Variants in BIRC6 observed in about 807,000 individuals in gnomAD.
BIRC6 encodes the protein dual E2 ubiquitin-conjugating enzyme/E3 ubiquitin-protein ligase BIRC6.
BIRC6 carries 98 observed loss-of-function variants against 503.3 expected under a neutral mutation model. That is an observed-to-expected ratio of 0.19 (90% CI 0.17 to 0.23). The LOEUF is 0.23. BIRC6 is among the 10% of genes least tolerant of loss of function. The pLI, the probability that BIRC6 is intolerant of heterozygous loss-of-function variation, is 1.00. For missense variants in BIRC6, 5,360 were observed against 5,806.0 expected (o/e 0.92, Z 2.50); for synonymous variants, 2,240 against 2,078.7 (o/e 1.08, Z -2.11).
intron 29 of BIRC6, among the ~76,000 whole-genome samples, chr2:32,469,108 G>C (rs1320523817): frequency 6.6e-6 from 1 of 152,064 alleles, no homozygotes; most frequent in African/African-American, 2.4e-5. Flanking sequence ...TCATTTTCTA[G>C]CCAGGAGGTA....
rs1005224815 is a variant in BIRC6 at position 32,518,873 on chromosome 2, A to C, written c.11550A>C (p.Gly3850=). The change falls in exon 57 of 74, where the codon GGA becomes GGC. Residue 3850 remains glycine (G), a synonymous_variant. Transcript: ENST00000421745. ...TSHVIQHPMY[G]AGHKFRTLHL... The stretch of plus-strand genomic sequence containing the variant: ...ACGTCATCCAGCATCCAATGTATGG[A>C]GCAGGCCACAAATTCCGTACTCTTC... 5.6e-6 allele frequency: 9 copies of C among 1,613,788 alleles called. No homozygotes were observed. The highest frequency in any genetic ancestry group is 6.8e-6 in the Non-Finnish European group (8 of 1,179,742).
At chr2:32,503,579 G>A (rs1006874217) in intron 49 of BIRC6, among the ~76,000 whole-genome samples, 1 of 151,742 alleles carries the variant, frequency 6.6e-6, no homozygotes, top group East Asian at 2.0e-4. Context: ...CTGCCACCAC[G>A]CCTGGCTAAT....
chr2:32,504,034 T>TTGTGTGTGTGTGTGTGTGTG (rs556051105), intron 49 of BIRC6, among the ~76,000 whole-genome samples: 3 of 78,228 alleles, frequency 3.8e-5, no homozygotes, highest in Admixed American at 3.6e-4. Flanking sequence ...GGGGGGGTGT[T>TTGTGTGTGTGTGTGTGTGTG]TGTGTGTGTG....
At chr2:32,539,766 T>C (rs974407179) in intron 61 of BIRC6, among the ~76,000 whole-genome samples, 6 of 151,830 alleles carry the variant, frequency 4.0e-5, no homozygotes, top group Non-Finnish European at 7.4e-5. Flanking sequence ...AGGAGTACAA[T>C]TAACCAAAAA....
chr2:32,454,679 A>G (rs930642621), intron 23 of BIRC6, among the ~76,000 whole-genome samples: 5 of 152,196 alleles, frequency 3.3e-5, no homozygotes, highest in African/African-American at 1.2e-4. Context: ...AGTCTCCTCA[A>G]CAGTTTAACA....
chr2:32,465,596 A>G (rs1300509305), intron 26 of BIRC6, among the ~76,000 whole-genome samples: 1 of 152,184 alleles, frequency 6.6e-6, no homozygotes, highest in Non-Finnish European at 1.5e-5. Flanking sequence ...AATAGTTTGA[A>G]TGTTACCTGA....
rs1174801292 is a variant in BIRC6 at position 32,357,963 on chromosome 2, C to T, written c.325+477C>T. On this transcript the variant is annotated intron_variant, in intron 1 of 73. Transcript: ENST00000421745. This position sits in a 1 kb window ranked among gnomAD's most constrained non-coding sequence, Gnocchi z 4.9. The stretch of plus-strand genomic sequence containing the variant: ...AAGCCCTCCCTTGTGGGAGAGGAGC[C>T]GGCAGTCTGCTGTTCTCAGGTCCCG... 1.4e-5 allele frequency among the ~76,000 whole-genome samples: 2 copies of T among 140,762 alleles called. No homozygotes were observed. Among genetic ancestry groups the T allele is most frequent in the East Asian group, 2.2e-4 (1 of 4,622 alleles). 92.3% of individuals were successfully genotyped at this position (140,762 alleles called of 152,430 possible). A position where few individuals can be genotyped will look rare whatever the true frequency, so the allele number is the denominator to read the frequency against.
intron 62 of BIRC6, 25 bp downstream of exon 62, chr2:32,543,566 C>T: frequency 6.2e-7 from 1 of 1,600,150 alleles, no homozygotes; most frequent in Non-Finnish European, 8.5e-7. Flanking sequence ...TTAAATTTAT[C>T]AACACATATG....
At position 32,519,090 on chromosome 2, in the gene BIRC6, C is replaced by T. The variant is rs115506979; in HGVS notation, c.11623+144C>T. The T allele has an allele frequency of 1.2e-3, 949 of 807,602 alleles. 7 individuals carry two copies. The African/African-American group carries it at 0.014, about 12-fold the overall frequency. 50.0% of individuals were successfully genotyped at this position (807,602 alleles called of 1,614,324 possible). On this transcript the variant is annotated intron_variant, in intron 57 of 73. Transcript: ENST00000421745. ...TTCAAGACATCTTTATAGTTTGAAG[C>T]ATAAGAAGCCAGTCAAGTGGACAAA...
At chr2:32,482,920 GT>G (rs781690700) in intron 39 of BIRC6, among the ~76,000 whole-genome samples, 1,876 of 142,414 alleles carry the variant, frequency 0.013, 16 homozygotes, top group African/African-American at 0.018. Flanking sequence ...TATTTTTGCA[GT>G]TTTTTTTTTT....
chr2:32,580,950 C>G (rs578109590), intron 66 of BIRC6, among the ~76,000 whole-genome samples: 1 of 152,292 alleles, frequency 6.6e-6, no homozygotes, highest in East Asian at 1.9e-4. Flanking sequence ...CAATAGAGTA[C>G]AAGTGCCATA....
chr2:32,532,492 A>G (rs1408282430), intron 61 of BIRC6, among the ~76,000 whole-genome samples: 1 of 152,012 alleles, frequency 6.6e-6, no homozygotes, highest in African/African-American at 2.4e-5. Context: ...CTTTCTCCTT[A>G]TAAGGACACC....
At chr2:32,560,197 A>C (rs1186683462) in intron 65 of BIRC6, among the ~76,000 whole-genome samples, 1 of 152,240 alleles carries the variant, frequency 6.6e-6, no homozygotes, top group East Asian at 1.9e-4. Context: ...TTTTAGTTTA[A>C]AATGAAGAAA....
At chr2:32,531,631 C>T in intron 61 of BIRC6, 80 bp downstream of exon 61, 1 of 1,203,600 alleles carries the variant, frequency 8.3e-7, no homozygotes, top group Non-Finnish European at 1.1e-6. Context: ...TTTTAATGTA[C>T]TTGGATTAAC....
chr2:32,419,151 GATA>G (rs1349124774), intron 10 of BIRC6, among the ~76,000 whole-genome samples: 1 of 152,146 alleles, frequency 6.6e-6, no homozygotes, highest in Non-Finnish European at 1.5e-5. Context: ...CATTTGAAAA[GATA>G]ATAACAAAGC....
At chr2:32,543,603 A>G (rs563875343) in intron 62 of BIRC6, 62 bp downstream of exon 62, 1 of 1,456,632 alleles carries the variant, frequency 6.9e-7, no homozygotes, top group Non-Finnish European at 9.4e-7. Context: ...AGGTATCCAG[A>G]TCATTGCCTA....
In BIRC6 at chr2:32,607,659, T is replaced by C. The variant is rs759617697; in HGVS notation, c.14259+16T>C. ...TTTTAAAGAGGTATGTTCAATAAAA[T>C]TAGTGAAATACTTTGTTAAAGACAT... On this transcript the variant is annotated intron_variant, in intron 72 of 73. Transcript: ENST00000421745. 139 of 1,582,654 alleles carry C rather than the reference T, an allele frequency of 8.8e-5. No homozygotes were observed. The highest frequency in any genetic ancestry group is 1.2e-4 in the Non-Finnish European group (135 of 1,160,102).
chr2:32,590,166 T>C (rs1290373182), intron 66 of BIRC6, among the ~76,000 whole-genome samples: 1 of 152,236 alleles, frequency 6.6e-6, no homozygotes, highest in African/African-American at 2.4e-5. Flanking sequence ...GTAATATTTT[T>C]ATTTACTCTT....
Position 32,357,045 on chromosome 2 carries a change from C to A in BIRC6, c.-117C>A. ...CGCCTCCCTCCCTGCTTCTCCCCCTCTCCCGTCAGCCTCCCTCCGAGTTTG... is the reference window on the plus strand; with the variant it reads ...CGCCTCCCTCCCTGCTTCTCCCCCTATCCCGTCAGCCTCCCTCCGAGTTTG... On this transcript the variant is annotated 5_prime_UTR_variant, in exon 1 of 74. Transcript: ENST00000421745. The surrounding 1 kb of genome is among the most constrained non-coding windows in gnomAD (Gnocchi z 4.9). 1 of 922,350 alleles carries A rather than the reference C, an allele frequency of 1.1e-6. No homozygotes were observed. The highest frequency in any genetic ancestry group is 3.2e-5 in the East Asian group (1 of 30,958). 57.1% of individuals were successfully genotyped at this position (922,350 alleles called of 1,614,324 possible). A position where few individuals can be genotyped will look rare whatever the true frequency, so the allele number is the denominator to read the frequency against.
Sources: allele counts gnomAD v4.1 joint callset (sites outside exome capture counted in the v4.1 genomes callset), GRCh38; gene constraint gnomAD v4.1.1; non-coding constraint Gnocchi (gnomAD v3.1); transcripts MANE v1.5; gene names NCBI Gene and HGNC (gene_info 2026-07-23, HGNC 2026-07-21).